ODAD2: variants seen among roughly 807,000 people sequenced by gnomAD.
ODAD2 encodes outer dynein arm docking complex subunit 2, also known as outer dynein arm-docking complex subunit 2.
ODAD2 carries 89 observed loss-of-function variants against 106.8 expected under a neutral mutation model. That is an observed-to-expected ratio of 0.83 (90% CI 0.70 to 0.99). ODAD2 has a LOEUF of 0.99. Among genes scored for constraint, ODAD2 ranks in the 50% least tolerant of loss-of-function variants. The pLI, the probability that ODAD2 is intolerant of heterozygous loss-of-function variation, is 0.00. For synonymous variants in ODAD2, 404 were observed against 436.2 expected (o/e 0.93, Z 0.92); for missense variants, 1,168 against 1,238.5 (o/e 0.94, Z 0.85).
intron 19 of ODAD2, among the ~76,000 whole-genome samples, chr10:27,834,486 G>A (rs1337246263): frequency 6.6e-6 from 1 of 152,166 alleles, no homozygotes; most frequent in Non-Finnish European, 1.5e-5. Context: ...CTCAAGGGAA[G>A]CTGAGAAGCA....
At chr10:27,992,655 G>C (rs184914969) in intron 2 of ODAD2, among the ~76,000 whole-genome samples, 1 of 152,242 alleles carries the variant, frequency 6.6e-6, no homozygotes, top group Admixed American at 6.5e-5. Context: ...CTCCACTGCA[G>C]TCCAGCCTGG....
At chr10:27,843,093 A>C (rs1838429270) in intron 19 of ODAD2, among the ~76,000 whole-genome samples, 1 of 152,220 alleles carries the variant, frequency 6.6e-6, no homozygotes, top group Admixed American at 6.5e-5. Flanking sequence ...GCCACATGTT[A>C]TATATTCCCT....
intron 5 of ODAD2, 63 bp from the exon 6 acceptor site, chr10:27,984,042 G>A: frequency 6.4e-7 from 1 of 1,564,962 alleles, no homozygotes; most frequent in Admixed American, 2.0e-5. Context: ...AAAAAGTGTT[G>A]GCTTCCACAA....
At chr10:27,950,493 T>G (rs575530745) in intron 10 of ODAD2, among the ~76,000 whole-genome samples, 2 of 152,324 alleles carry the variant, frequency 1.3e-5, no homozygotes, top group South Asian at 4.1e-4. Context: ...CTTAAATAAA[T>G]CAGACTCAGG....
Position 27,840,026 on chromosome 10 carries a change from G to A in ODAD2, c.3021+20599C>T, listed in dbSNP as rs188303030. 1.3e-4 allele frequency among the ~76,000 whole-genome samples: 20 copies of A among 151,992 alleles called. No individual in the cohort carries two copies. The East Asian group carries it at 1.9e-3, about 15-fold the overall frequency. On this transcript the variant is annotated intron_variant, in intron 19 of 19. Coordinates refer to ENST00000305242, the MANE Select transcript of ODAD2 (RefSeq NM_018076.5). ...ACCTTTCACATTAATAATTTACATC[G>A]ATTTAACTCACAAAGCTTGCCTTAT...
In ODAD2 at chr10:27,877,067, GA is replaced by G. The variant is rs556609832; in HGVS notation, c.2611-14446del. On this transcript the variant is annotated intron_variant, in intron 17 of 19. Coordinates refer to ENST00000305242, the MANE Select transcript of ODAD2 (RefSeq NM_018076.5). ...CATTCAAAAATATTTGTTGAATTGT[GA>G]AAAAAAAAAGGCAGTTTTAACTTTA... is the stretch of plus-strand genomic sequence containing the variant. Among the ~76,000 whole-genome samples the G allele has an allele frequency of 7.1e-3, 1,054 of 147,654 alleles. 6 individuals are homozygous for G. Among genetic ancestry groups the G allele is most frequent in the Non-Finnish European group, 8.1e-3 (543 of 66,798 alleles).
intron 17 of ODAD2, among the ~76,000 whole-genome samples, chr10:27,887,148 T>C (rs1842278214): frequency 6.6e-6 from 1 of 151,946 alleles, no homozygotes; most frequent in African/African-American, 2.4e-5. Context: ...TACACATAGG[T>C]TGAAAGTCAA....
At chr10:27,859,054 TTC>T (rs1286725308) in intron 19 of ODAD2, among the ~76,000 whole-genome samples, 6 of 91,698 alleles carry the variant, frequency 6.5e-5, no homozygotes, top group Non-Finnish European at 1.3e-4. Flanking sequence ...ATTTTATAGT[TTC>T]TTTTTTTTTT....
At position 27,904,774 on chromosome 10, in the gene ODAD2, C is replaced by T. The variant is rs565441900; in HGVS notation, c.2610+2889G>A. ...AGCTTTAGTATCAACTTACCAACTC[C>T]ATGAAACAAAGCTTGTTGGCATTTT... is the stretch of plus-strand genomic sequence containing the variant. On this transcript the variant is annotated intron_variant, in intron 17 of 19. Transcript: ENST00000305242. Among the ~76,000 whole-genome samples the T allele has an allele frequency of 3.2e-4, 49 of 152,318 alleles. 2 individuals carry two copies. The South Asian group carries it at 0.01, about 32-fold the overall frequency.
chr10:27,924,303 A>C (rs78354914), intron 16 of ODAD2, among the ~76,000 whole-genome samples: 4,368 of 151,698 alleles, frequency 0.029, 70 homozygotes, highest in Non-Finnish European at 0.046. Context: ...TAACAGGGGA[A>C]TACAAAGTGA....
At position 27,995,057 on chromosome 10, in the gene ODAD2, G is replaced by C; in HGVS notation, c.86C>G (p.Ala29Gly). 6.2e-7 allele frequency: 1 copy of C among 1,613,118 alleles called. No homozygotes were observed. The highest frequency in any genetic ancestry group is 8.5e-7 in the Non-Finnish European group (1 of 1,179,500). ...GILEITPLNE[A>G]ILKEIIVFVE... Reference sequence around the variant, plus strand: ...AAACACAATAATTTCTTTCAATATCGCTTCATTTAGAGGGGTGATTTCGAG... The same window carrying C: ...AAACACAATAATTTCTTTCAATATCCCTTCATTTAGAGGGGTGATTTCGAG... The change falls in exon 2 of 20, where the codon GCG (alanine) becomes GGG (glycine). Residue 29 changes from alanine to glycine, a missense_variant. Physicochemically the swap from Ala to Gly is moderately conservative, Grantham distance 60. Coordinates refer to ENST00000305242, the MANE Select transcript of ODAD2 (RefSeq NM_018076.5).
chr10:27,925,003 AT>A (rs1845159257), intron 16 of ODAD2, among the ~76,000 whole-genome samples: 2 of 151,170 alleles, frequency 1.3e-5, no homozygotes, highest in Admixed American at 1.3e-4. Flanking sequence ...AAAAAAAAAA[AT>A]CCCGATTCCT....
At chr10:27,942,002 G>A (rs917114911) in intron 12 of ODAD2, among the ~76,000 whole-genome samples, 1 of 152,166 alleles carries the variant, frequency 6.6e-6, no homozygotes, top group Non-Finnish European at 1.5e-5. Context: ...CAGGAAAGAC[G>A]GGGATGGGGT....
At chr10:27,958,780 T>C (rs1847904431) in intron 10 of ODAD2, 1 of 1,157,520 alleles carries the variant, frequency 8.6e-7, no homozygotes, top group Non-Finnish European at 1.1e-6. Flanking sequence ...AAGAGAACTT[T>C]TATTTTTCCA....
chr10:27,927,775 T>C (rs538624540), intron 16 of ODAD2, among the ~76,000 whole-genome samples: 2 of 152,250 alleles, frequency 1.3e-5, no homozygotes, highest in South Asian at 4.1e-4. Context: ...CCTGTTTCTT[T>C]ACAGAGACTT....
In ODAD2 at chr10:27,825,330, G is replaced by A. The variant is rs149771584; in HGVS notation, c.3022-12705C>T. Among the ~76,000 whole-genome samples the A allele has an allele frequency of 5.3e-5, 8 of 152,220 alleles. No individual in the cohort carries two copies. The East Asian group carries it at 1.2e-3, about 22-fold the overall frequency. On this transcript the variant is annotated intron_variant, in intron 19 of 19. Coordinates refer to ENST00000305242, the MANE Select transcript of ODAD2 (RefSeq NM_018076.5). ...GCTGACTTTAAAGGTGCAGCCTAGCGAAAACAAAAATGCTCAGATTCAGAA... is the reference window on the plus strand; with the variant it reads ...GCTGACTTTAAAGGTGCAGCCTAGCAAAAACAAAAATGCTCAGATTCAGAA...
chr10:27,850,140 T>A (rs1254088789), intron 19 of ODAD2, among the ~76,000 whole-genome samples: 1 of 152,192 alleles, frequency 6.6e-6, no homozygotes, highest in Non-Finnish European at 1.5e-5. Context: ...GTCTGCGAAC[T>A]GTGTGTTTAA....
In ODAD2 at chr10:27,907,773, T is replaced by C; in HGVS notation, c.2500A>G (p.Ile834Val). 2 of 1,611,694 alleles carry C rather than the reference T, an allele frequency of 1.2e-6. No individual in the cohort carries two copies. Among genetic ancestry groups the C allele is most frequent in the Non-Finnish European group, 1.7e-6 (2 of 1,178,132 alleles). ...CAVEPESMMI[I>V]DRLDGVRLLW... ...AAACGAACTCCATCTAAGCGATCAA[T>C]TATCCTATCGTGGAACCCAAAATCA... is the stretch of plus-strand genomic sequence containing the variant. Residue 834 changes from isoleucine to valine, a missense_variant, in exon 17 of 20, where the codon ATT (isoleucine) becomes GTT (valine). Ile to Val is a conservative substitution (Grantham distance 29). Coordinates refer to ENST00000305242, the MANE Select transcript of ODAD2 (RefSeq NM_018076.5).
At chr10:27,983,569 G>A (rs769150970) in intron 6 of ODAD2, among the ~76,000 whole-genome samples, 1 of 152,194 alleles carries the variant, frequency 6.6e-6, no homozygotes, top group African/African-American at 2.4e-5. Context: ...TAATGAATCA[G>A]TGAAGTGATT....
Sources: allele counts gnomAD v4.1 joint callset (sites outside exome capture counted in the v4.1 genomes callset), GRCh38; gene constraint gnomAD v4.1.1; transcripts MANE v1.5; gene names NCBI Gene and HGNC (gene_info 2026-07-23, HGNC 2026-07-21).